The following ROBO2 variants were observed in gnomAD, a reference collection of about 807,000 sequenced individuals.
The protein encoded by ROBO2 is roundabout guidance receptor 2.
ROBO2 carries 53 observed loss-of-function variants against 160.8 expected under a neutral mutation model. That is an observed-to-expected ratio of 0.33 (90% CI 0.26 to 0.41). The LOEUF is 0.41. Ranked by LOEUF, ROBO2 falls within the 10% of genes least tolerant of loss-of-function variation. The pLI, the probability that ROBO2 is intolerant of heterozygous loss-of-function variation, is 1.00. For synonymous variants in ROBO2, 664 were observed against 611.7 expected, an observed-to-expected ratio of 1.09 and a Z score of -1.26; for missense variants, 1,577 against 1,722.4, an observed-to-expected ratio of 0.92 and a Z score of 1.49.
chr3:77,116,942 AT>A (rs1208143577), intron 2 of ROBO2, among the ~76,000 whole-genome samples: 1 of 152,148 alleles, frequency 6.6e-6, no homozygotes, highest in African/African-American at 2.4e-5. Context: ...CTCATAACAC[AT>A]TTTCTTCAAC....
intron 2 of ROBO2, among the ~76,000 whole-genome samples, chr3:76,765,360 G>T (rs904427591): frequency 6.6e-6 from 1 of 151,586 alleles, no homozygotes; most frequent in Non-Finnish European, 1.5e-5. Context: ...GAATTTAGTG[G>T]GGTACCCCAG....
intron 2 of ROBO2, among the ~76,000 whole-genome samples, chr3:76,439,764 C>A (rs1282335074): frequency 1.3e-5 from 2 of 152,094 alleles, no homozygotes; most frequent in Admixed American, 6.6e-5. Context: ...CCTGTCAATG[C>A]ATGATGAAAG....
At chr3:76,752,899 C>T (rs575271846) in intron 2 of ROBO2, among the ~76,000 whole-genome samples, 9 of 151,696 alleles carry the variant, frequency 5.9e-5, no homozygotes, top group Non-Finnish European at 1.3e-4. Context: ...TTACACAGAA[C>T]ATATTTTGCA....
intron 5 of ROBO2, among the ~76,000 whole-genome samples, chr3:77,520,471 C>G (rs565391165): frequency 2.0e-5 from 3 of 151,108 alleles, no homozygotes; most frequent in Middle Eastern, 3.2e-3. Context: ...CTGGAGGTAA[C>G]ATACAATTTT....
At chr3:76,013,452 G>A (rs2066274063) in intron 2 of ROBO2, among the ~76,000 whole-genome samples, 1 of 150,490 alleles carries the variant, frequency 6.6e-6, no homozygotes, top group Non-Finnish European at 1.5e-5. Context: ...GCATTTGGAG[G>A]CTGGGCACTG....
At chr3:76,097,649 AG>A (rs1433339101) in intron 2 of ROBO2, among the ~76,000 whole-genome samples, 1 of 152,168 alleles carries the variant, frequency 6.6e-6, no homozygotes, top group Non-Finnish European at 1.5e-5. Flanking sequence ...GTAATCAGGG[AG>A]GATCTCACTG....
intron 2 of ROBO2, among the ~76,000 whole-genome samples, chr3:76,702,071 C>T (rs2597259): frequency 0.58 from 88,252 of 151,772 alleles, 26,992 homozygotes; most frequent in East Asian, 0.77. Flanking sequence ...AATGAATATT[C>T]TTTCCAGAGT....
intron 2 of ROBO2, among the ~76,000 whole-genome samples, chr3:77,301,587 C>T (rs957337826): frequency 1.3e-5 from 2 of 152,174 alleles, no homozygotes; most frequent in Non-Finnish European, 2.9e-5. Flanking sequence ...GTGTGGATAT[C>T]TAAATTCGCA....
intron 2 of ROBO2, among the ~76,000 whole-genome samples, chr3:76,231,394 CT>C (rs1362729172): frequency 4.6e-5 from 7 of 152,164 alleles, no homozygotes; most frequent in African/African-American, 1.7e-4. Context: ...GGCTCATTCT[CT>C]TCCTCTGTAG....
At chr3:76,772,633 T>G (rs72894235) in intron 2 of ROBO2, among the ~76,000 whole-genome samples, 2,998 of 150,950 alleles carry the variant, frequency 0.02, 102 homozygotes, top group African/African-American at 0.068. Flanking sequence ...GATCTATTGA[T>G]CTAGAGAGCA....
At chr3:77,344,463 T>G (rs1373318012) in intron 2 of ROBO2, among the ~76,000 whole-genome samples, 1 of 152,100 alleles carries the variant, frequency 6.6e-6, no homozygotes, top group Non-Finnish European at 1.5e-5. Flanking sequence ...ATGGGATTAG[T>G]GTCCTTATAA....
At chr3:77,558,123 G>A in exon 9 of ROBO2, 2 of 1,612,996 alleles carry the variant, frequency 1.2e-6, no homozygotes, top group South Asian at 1.1e-5. Context: ...TCAAGAGCAA[G>A]GCACACTGCA....
chr3:76,574,064 G>T (rs1435890006), intron 2 of ROBO2, among the ~76,000 whole-genome samples: 1 of 152,068 alleles, frequency 6.6e-6, no homozygotes, highest in Non-Finnish European at 1.5e-5. Context: ...TGAGAGCAGA[G>T]ATGTTATCTT....
intron 18 of ROBO2, among the ~76,000 whole-genome samples, chr3:77,595,915 T>C (rs565360734): frequency 2.6e-4 from 40 of 152,138 alleles, no homozygotes; most frequent in Non-Finnish European, 5.4e-4. Flanking sequence ...TCTGTGTAAA[T>C]ATGCTAGTAA....
chr3:77,425,854 G>A (rs1320895248), intron 2 of ROBO2, among the ~76,000 whole-genome samples: 4 of 151,730 alleles, frequency 2.6e-5, no homozygotes, highest in Non-Finnish European at 4.4e-5. Flanking sequence ...GTAGAGACAG[G>A]GTTTCACCAT....
At chr3:77,530,096 T>C (rs1339616889) in intron 6 of ROBO2, among the ~76,000 whole-genome samples, 2 of 151,944 alleles carry the variant, frequency 1.3e-5, no homozygotes, top group Non-Finnish European at 2.9e-5. Flanking sequence ...AAAGCACATT[T>C]TTCAACTTTG....
At chr3:76,150,648 A>G (rs920898825) in intron 2 of ROBO2, among the ~76,000 whole-genome samples, 1 of 152,122 alleles carries the variant, frequency 6.6e-6, no homozygotes, top group Non-Finnish European at 1.5e-5. Flanking sequence ...ACTTTCCTTA[A>G]TATTCACTCA....
intron 2 of ROBO2, among the ~76,000 whole-genome samples, chr3:76,980,199 A>G (rs1260868181): frequency 6.6e-6 from 1 of 152,214 alleles, no homozygotes; most frequent in Non-Finnish European, 1.5e-5. Context: ...GCTGTATATA[A>G]TGTGAAGGCT....
chr3:76,020,743 A>T (rs1352043112), intron 2 of ROBO2, among the ~76,000 whole-genome samples: 1 of 151,694 alleles, frequency 6.6e-6, no homozygotes, highest in Non-Finnish European at 1.5e-5. Flanking sequence ...TTCTTCACTC[A>T]ATATTTCTTC....
Sources: gnomAD v4.1 joint callset for allele counts (sites outside exome capture counted in the v4.1 genomes callset) on GRCh38, gnomAD v4.1.1 for gene constraint, MANE v1.5 for transcripts, NCBI Gene and HGNC (gene_info 2026-07-23, HGNC 2026-07-21) for gene names.